GRIN2B: variants seen among roughly 807,000 people sequenced by gnomAD.
GRIN2B encodes the protein glutamate ionotropic receptor NMDA type subunit 2B, also known as glutamate receptor ionotropic, NMDA 2B.
GRIN2B carries 5 observed loss-of-function variants against 114.5 expected under a neutral mutation model. The ratio of observed to expected loss-of-function variants is 0.04; its 90% CI spans 0.02 to 0.09. The LOEUF (loss-of-function observed/expected upper bound fraction) is 0.09, where lower values mean the gene tolerates loss of function less well. Among genes scored for constraint, GRIN2B ranks in the 10% least tolerant of loss-of-function variants. The pLI is 1.00. For missense variants in GRIN2B, 1,108 were observed against 1,943.5 expected (o/e 0.57, Z 8.08); for synonymous variants, 787 against 745.1 (o/e 1.06, Z -0.92).
chr12:13,838,565 A>G (rs897676028), intron 3 of GRIN2B, among the ~76,000 whole-genome samples: 5 of 152,042 alleles, frequency 3.3e-5, no homozygotes, highest in Admixed American at 6.5e-5. Flanking sequence ...TTCCTACACT[A>G]TCTGTCTCTT....
chr12:13,733,274 A>G (rs1863117157), intron 4 of GRIN2B, among the ~76,000 whole-genome samples: 1 of 145,054 alleles, frequency 6.9e-6, no homozygotes, highest in Non-Finnish European at 1.5e-5. Context: ...AGGTAAAAGA[A>G]GTTGACCCAA....
intron 5 of GRIN2B, among the ~76,000 whole-genome samples, chr12:13,620,063 G>A (rs963178131): frequency 6.6e-6 from 1 of 152,160 alleles, no homozygotes; most frequent in Non-Finnish European, 1.5e-5. Flanking sequence ...AAGTACTCCG[G>A]CATTCAGAGT....
chr12:13,809,962 A>G (rs1157790970), intron 3 of GRIN2B, among the ~76,000 whole-genome samples: 1 of 152,106 alleles, frequency 6.6e-6, no homozygotes, highest in Non-Finnish European at 1.5e-5. Flanking sequence ...TGCTCTAGTC[A>G]GGAGATCTTC....
intron 3 of GRIN2B, among the ~76,000 whole-genome samples, chr12:13,761,624 T>C (rs1284345262): frequency 6.6e-6 from 1 of 152,218 alleles, no homozygotes; most frequent in African/African-American, 2.4e-5. Flanking sequence ...CTCTTTCATT[T>C]CATTTTAAAG....
intron 2 of GRIN2B, among the ~76,000 whole-genome samples, chr12:13,958,551 CT>C (rs1027075904): frequency 4.6e-5 from 7 of 152,296 alleles, no homozygotes; most frequent in African/African-American, 1.7e-4. Flanking sequence ...TTTCTGTCTC[CT>C]TTTTCCCTAG....
At chr12:13,935,872 A>G (rs1867118864) in intron 2 of GRIN2B, among the ~76,000 whole-genome samples, 1 of 152,220 alleles carries the variant, frequency 6.6e-6, no homozygotes, top group Non-Finnish European at 1.5e-5. Flanking sequence ...AGTGGACAAT[A>G]AGCGGCATAA....
At chr12:13,765,226 G>C (rs904101817) in intron 3 of GRIN2B, among the ~76,000 whole-genome samples, 8 of 152,306 alleles carry the variant, frequency 5.3e-5, no homozygotes, top group African/African-American at 1.9e-4. Context: ...TCAAAGAACA[G>C]ACACTAACCA....
At chr12:13,703,783 G>A (rs1950333507) in intron 4 of GRIN2B, among the ~76,000 whole-genome samples, 2 of 152,102 alleles carry the variant, frequency 1.3e-5, no homozygotes, top group South Asian at 4.1e-4. Context: ...TGACCACCAT[G>A]GGATCCTTTT....
intron 10 of GRIN2B, among the ~76,000 whole-genome samples, chr12:13,607,049 T>C (rs1295401594): frequency 6.8e-6 from 1 of 146,652 alleles, no homozygotes; most frequent in Admixed American, 7.2e-5. Flanking sequence ...CTCCTCAGTG[T>C]GGGTACACAG....
At chr12:13,947,477 G>A (rs949927534) in intron 2 of GRIN2B, among the ~76,000 whole-genome samples, 2 of 152,068 alleles carry the variant, frequency 1.3e-5, no homozygotes, top group Non-Finnish European at 2.9e-5. Flanking sequence ...AGACAGTCAC[G>A]CTTCACCTCA....
intron 5 of GRIN2B, among the ~76,000 whole-genome samples, chr12:13,650,849 AT>A (rs1949806091): frequency 6.6e-6 from 1 of 152,024 alleles, no homozygotes; most frequent in Non-Finnish European, 1.5e-5. Context: ...GAAGGCATAC[AT>A]TTTTGTCTTT....
chr12:13,668,779 C>G (rs1949998842), intron 5 of GRIN2B, among the ~76,000 whole-genome samples: 1 of 151,790 alleles, frequency 6.6e-6, no homozygotes, highest in Non-Finnish European at 1.5e-5. Flanking sequence ...ACAACAAGCA[C>G]TTTTTTTATT....
intron 10 of GRIN2B, among the ~76,000 whole-genome samples, chr12:13,577,223 G>T (rs949233386): frequency 1.3e-5 from 2 of 152,282 alleles, no homozygotes; most frequent in Admixed American, 6.5e-5. Context: ...CCTTCCCACC[G>T]CATTTAACAC....
chr12:13,690,355 C>CCT lies in GRIN2B; in HGVS notation c.1011-14498_1011-14497dup, dbSNP rs538084297. 2.0e-3 allele frequency among the ~76,000 whole-genome samples: 140 copies of CCT among 69,742 alleles called. 1 individual carries two copies. In the South Asian group the frequency reaches 0.022, roughly 11 times the overall value. The allele number at this position is 69,742 out of a possible 152,430, so 45.8% of individuals were successfully genotyped here. A position where few individuals can be genotyped will look rare whatever the true frequency, so the allele number is the denominator to read the frequency against. ...ATCTATTTACAAATACTTTTTTTTGCCTCTCTCTCTCTCTCTCTCACACAC... is the reference window on the plus strand; with the variant it reads ...ATCTATTTACAAATACTTTTTTTTGCCTCTCTCTCTCTCTCTCTCTCACACAC... On this transcript the variant is annotated intron_variant, in intron 4 of 13. Coordinates refer to ENST00000609686, the MANE Select transcript of GRIN2B (RefSeq NM_000834.5).
intron 6 of GRIN2B, among the ~76,000 whole-genome samples, chr12:13,616,154 A>G (rs1216818749): frequency 1.3e-5 from 2 of 152,216 alleles, no homozygotes; most frequent in African/African-American, 4.8e-5. Context: ...GCCCAAGAAA[A>G]CATATTTGAA....
At chr12:13,850,081 G>A (rs528566747) in intron 3 of GRIN2B, among the ~76,000 whole-genome samples, 5 of 152,276 alleles carry the variant, frequency 3.3e-5, no homozygotes, top group African/African-American at 1.2e-4. Flanking sequence ...AATGGAAACA[G>A]CCTTTGGGCA....
In GRIN2B at chr12:13,553,376, CT is replaced by C. The variant is rs1323658953; in HGVS notation, c.*9406del. 2 of 152,182 alleles carry C rather than the reference CT, an allele frequency of 1.3e-5. No individual in the cohort carries two copies. Among genetic ancestry groups the C allele is most frequent in the African/African-American group, 4.8e-5 (2 of 41,442 alleles). 9.4% of individuals were successfully genotyped at this position (152,182 alleles called of 1,614,324 possible). On this transcript the variant is annotated 3_prime_UTR_variant, in exon 14 of 14. Coordinates refer to ENST00000609686, the MANE Select transcript of GRIN2B (RefSeq NM_000834.5). Reference sequence around the variant, plus strand: ...GCCAGCTCATTCAAATCCTAACTTACTTTCATTGTAAATATACAGATAAGAG... The same window carrying C: ...GCCAGCTCATTCAAATCCTAACTTACTTCATTGTAAATATACAGATAAGAG...
chr12:13,834,189 C>A (rs1217131421), intron 3 of GRIN2B, among the ~76,000 whole-genome samples: 2 of 132,272 alleles, frequency 1.5e-5, no homozygotes, highest in African/African-American at 5.8e-5. Flanking sequence ...CACCACCACG[C>A]CTGGCTAATT....
intron 2 of GRIN2B, among the ~76,000 whole-genome samples, chr12:13,913,732 C>T (rs1866662804): frequency 6.6e-6 from 1 of 152,192 alleles, no homozygotes; most frequent in Non-Finnish European, 1.5e-5. Context: ...CTAGCATTTA[C>T]ATCATCTACC....
Sources: gnomAD v4.1 joint callset for allele counts (sites outside exome capture counted in the v4.1 genomes callset) on GRCh38, gnomAD v4.1.1 for gene constraint, MANE v1.5 for transcripts, NCBI Gene and HGNC (gene_info 2026-07-23, HGNC 2026-07-21) for gene names.